TSGA10IP: variants seen among roughly 807,000 people sequenced by gnomAD.
The protein encoded by TSGA10IP is testis specific 10 interacting protein.
TSGA10IP carries 64 observed loss-of-function variants against 63.2 expected under a neutral mutation model. The observed-to-expected ratio is 1.01, with a 90% CI of 0.83 to 1.25. TSGA10IP has a LOEUF of 1.25. Among genes scored for constraint, TSGA10IP ranks in the 50% most tolerant of loss-of-function variants. The pLI is 0.00. For synonymous variants in TSGA10IP, 316 were observed against 298.3 expected, an observed-to-expected ratio of 1.06 and a Z score of -0.61; for missense variants, 681 against 710.1, an observed-to-expected ratio of 0.96 and a Z score of 0.47.
chr11:65,956,966 T>C (rs72926898), intron 5 of TSGA10IP, among the ~76,000 whole-genome samples: 3,113 of 152,300 alleles, frequency 0.02, 27 homozygotes, highest in African/African-American at 0.024. Context: ...GTATCTCCCA[T>C]GCAGTCTCTC....
intron 1 of TSGA10IP, 155 bp downstream of exon 1, chr11:65,945,977 C>CT (rs1388584234): frequency 1.1e-6 from 1 of 893,792 alleles, no homozygotes; most frequent in African/African-American, 1.7e-5. Context: ...ACAGGGAGGC[C>CT]TAAGGGCCTT....
chr11:65,953,268 T>C (rs962745722), intron 4 of TSGA10IP, among the ~76,000 whole-genome samples: 1 of 151,972 alleles, frequency 6.6e-6, no homozygotes. Flanking sequence ...TGACCTCAGG[T>C]GATCCGCCTG....
At chr11:65,951,518 T>TTTTTTTTTA (rs56793895) in intron 4 of TSGA10IP, among the ~76,000 whole-genome samples, 1 of 139,116 alleles carries the variant, frequency 7.2e-6, no homozygotes, top group Non-Finnish European at 1.5e-5. Context: ...ATTTGCTTAT[T>TTTTTTTTTA]TTATTATTAT....
At chr11:65,946,968 A>G (rs1397344326) in exon 2 of TSGA10IP, 2 of 1,613,878 alleles carry the variant, frequency 1.2e-6, no homozygotes, top group East Asian at 2.2e-5. Context: ...AAGGACCGCA[A>G]GCCCAGGGGC....
At chr11:65,956,144 T>TA (rs1555056444) in intron 5 of TSGA10IP, among the ~76,000 whole-genome samples, 3 of 149,586 alleles carry the variant, frequency 2.0e-5, no homozygotes, top group Non-Finnish European at 4.4e-5. Flanking sequence ...TCTTTTTTTT[T>TA]TTTTTTTTTT....
chr11:65,953,118 C>T (rs1565307552), intron 4 of TSGA10IP, among the ~76,000 whole-genome samples: 1 of 149,976 alleles, frequency 6.7e-6, no homozygotes, highest in East Asian at 2.0e-4. Flanking sequence ...ACAACCTCTG[C>T]TTCCCTGGTT....
exon 7 of TSGA10IP, chr11:65,959,231 GCTGTCAGCA>G (rs1855076589): frequency 1.2e-6 from 2 of 1,608,518 alleles, no homozygotes; most frequent in South Asian, 1.1e-5. Flanking sequence ...TCTCCCAGGT[GCTGTCAGCA>G]CTGGGGCTGG....
chr11:65,954,310 C>T (rs527863405), intron 5 of TSGA10IP, among the ~76,000 whole-genome samples: 4 of 151,524 alleles, frequency 2.6e-5, no homozygotes, highest in Non-Finnish European at 5.9e-5. Context: ...AGACTACAGG[C>T]GCCCGCCACC....
chr11:65,946,016 G>A (rs767014598), intron 1 of TSGA10IP, 194 bp downstream of exon 1: 1 of 634,964 alleles, frequency 1.6e-6, no homozygotes, highest in Admixed American at 3.0e-5. Context: ...ACGCCCAGGA[G>A]TGACTCCCAG....
intron 5 of TSGA10IP, among the ~76,000 whole-genome samples, chr11:65,956,909 A>G (rs1855033992): frequency 6.6e-6 from 1 of 152,112 alleles, no homozygotes; most frequent in South Asian, 2.1e-4. Context: ...GAGTGATTCA[A>G]CCTCACTCCT....
intron 1 of TSGA10IP, 33 bp downstream of exon 1, chr11:65,945,855 G>A: frequency 6.2e-7 from 1 of 1,606,900 alleles, no homozygotes; most frequent in South Asian, 1.1e-5. Context: ...ACTTCCAGCT[G>A]CCTAGAGCCA....
intron 4 of TSGA10IP, among the ~76,000 whole-genome samples, chr11:65,951,409 T>A (rs919447976): frequency 6.6e-6 from 1 of 152,002 alleles, no homozygotes. Flanking sequence ...CGTGAGGTGA[T>A]ATCTTATTAT....
exon 3 of TSGA10IP, chr11:65,947,183 C>G: frequency 6.2e-7 from 1 of 1,609,046 alleles, no homozygotes; most frequent in East Asian, 2.2e-5. Context: ...CACAGATGTC[C>G]GGGCTGTGCT....
rs947699970 is a variant in TSGA10IP, at chr11:65,947,877, G to A, written c.1003+49G>A. ...GATTCCCCCGAAGCTACACCGCAGG[G>A]AACAGGGAGCAGTCAGGGAGGCAGG... On this transcript the variant is annotated intron_variant, in intron 3 of 7. Coordinates refer to ENST00000532620, the Ensembl canonical transcript of TSGA10IP. The A allele has an allele frequency of 1.1e-5, 17 of 1,514,864 alleles. No individual in the cohort carries two copies. The African/African-American group carries it at 1.5e-4, about 14-fold the overall frequency. The allele number at this position is 1,514,864 out of a possible 1,614,324, so 93.8% of individuals were successfully genotyped here. A position where few individuals can be genotyped will look rare whatever the true frequency, so the allele number is the denominator to read the frequency against.
exon 1 of TSGA10IP, chr11:65,945,704 C>T (rs1237139347): frequency 6.2e-7 from 1 of 1,613,948 alleles, no homozygotes. Context: ...ATGCTAAATA[C>T]CTACCAACAG....
At chr11:65,959,253 G>A in exon 7 of TSGA10IP, 1 of 1,610,408 alleles carries the variant, frequency 6.2e-7, no homozygotes. Flanking sequence ...GGGGCTGGAT[G>A]AGGAGCAGCT....
exon 3 of TSGA10IP, chr11:65,947,503 G>C: frequency 4.3e-6 from 7 of 1,613,368 alleles, no homozygotes; most frequent in Non-Finnish European, 5.9e-6. Context: ...AGGAGGCCGA[G>C]AGGGGTCTGA....
intron 7 of TSGA10IP, 48 bp downstream of exon 7, chr11:65,959,362 G>C: frequency 6.3e-7 from 1 of 1,596,900 alleles, no homozygotes; most frequent in Non-Finnish European, 8.5e-7. Context: ...TGCTGCTGCG[G>C]GAAGGGGCGC....
rs1004236052 is a variant in TSGA10IP, at chr11:65,959,797, C to T, written c.1548-20C>T. ...GGGGTGGGAGCTGCAGAGTCAGGGGCCTCTATCTGTGTCTTGAAGGAGCCA... is the reference window on the plus strand; with the variant it reads ...GGGGTGGGAGCTGCAGAGTCAGGGGTCTCTATCTGTGTCTTGAAGGAGCCA... On this transcript the variant is annotated intron_variant, in intron 7 of 7. Coordinates refer to ENST00000532620, the Ensembl canonical transcript of TSGA10IP. 3 of 1,545,902 alleles carry T rather than the reference C, an allele frequency of 1.9e-6. No homozygotes were observed. Among genetic ancestry groups the T allele is most frequent in the African/African-American group, 1.4e-5 (1 of 72,838 alleles).
Sources: allele counts gnomAD v4.1 joint callset (sites outside exome capture counted in the v4.1 genomes callset), GRCh38; gene constraint gnomAD v4.1.1; transcripts MANE v1.5; gene names NCBI Gene and HGNC (gene_info 2026-07-23, HGNC 2026-07-21).